Variants in GSN observed in about 807,000 individuals in gnomAD.
GSN encodes the protein actin-depolymerizing factor.
GSN carries 56 observed loss-of-function variants against 85.7 expected under a neutral mutation model. The observed-to-expected ratio is 0.65, with a 90% CI of 0.53 to 0.82. The LOEUF (loss-of-function observed/expected upper bound fraction) is 0.82, where lower values mean the gene tolerates loss of function less well. Among genes scored for constraint, GSN ranks in the 40% least tolerant of loss-of-function variants. GSN has a pLI of 0.00. For synonymous variants in GSN, 373 were observed against 399.1 expected (o/e 0.93, Z 0.78); for missense variants, 857 against 979.8 (o/e 0.87, Z 1.67).
chr9:121,329,418 C>G lies in GSN; in HGVS notation c.1965+103C>G. Reference sequence around the variant, plus strand: ...CTAGAAGGACCTAAAGGGGGCAGTGCCAGGTGTTGCCAGAAAAGTCTCTAA... The same window carrying G: ...CTAGAAGGACCTAAAGGGGGCAGTGGCAGGTGTTGCCAGAAAAGTCTCTAA... On this transcript the variant is annotated intron_variant, in intron 16 of 17. Transcript: ENST00000432226. This position sits in a 1 kb window ranked among gnomAD's most constrained non-coding sequence, Gnocchi z 4.6. 1.3e-6 allele frequency: 1 copy of G among 768,814 alleles called. No individual in the cohort carries two copies. The highest frequency in any genetic ancestry group is 1.4e-5 in the South Asian group (1 of 71,278). 47.6% of individuals were successfully genotyped at this position (768,814 alleles called of 1,614,324 possible).
At chr9:121,310,417 A>G in intron 4 of GSN, 2 of 495,092 alleles carry the variant, frequency 4.0e-6, no homozygotes, top group South Asian at 4.1e-5. Flanking sequence ...TGGCAGAAAG[A>G]TGCAGTGGGC....
chr9:121,260,476 G>A (rs917481502), intron 6 of GSN, among the ~76,000 whole-genome samples: 3 of 152,234 alleles, frequency 2.0e-5, no homozygotes, highest in Admixed American at 6.5e-5. Flanking sequence ...TGACCTAAGA[G>A]CTAACGTTTT....
rs1175548472 is a variant in GSN, at chr9:121,312,394, C to G, written c.569C>G (p.Thr190Arg). Residue 190 changes from threonine (T) to arginine (R), a missense_variant, in exon 6 of 18, where the codon ACA becomes AGA. By Grantham distance (71) the Thr-to-Arg change is moderately conservative. Transcript: ENST00000432226. ...NSNRYERLKA[T>R]QVSKGIRDNE... ...AATCGGTATGAAAGACTGAAGGCCACACAGGTGTCCAAGGGCATCCGGGAC... is the reference window on the plus strand; with the variant it reads ...AATCGGTATGAAAGACTGAAGGCCAGACAGGTGTCCAAGGGCATCCGGGAC... 1 of 1,614,062 alleles carries G rather than the reference C, an allele frequency of 6.2e-7. No homozygotes were observed.
intron 4 of GSN, among the ~76,000 whole-genome samples, chr9:121,304,034 A>G (rs1364794633): frequency 6.6e-6 from 1 of 152,206 alleles, no homozygotes; most frequent in African/African-American, 2.4e-5. Context: ...CACTAAACCA[A>G]CATACCTCTA....
At chr9:121,260,263 C>T (rs1289348015) in intron 6 of GSN, among the ~76,000 whole-genome samples, 1 of 152,226 alleles carries the variant, frequency 6.6e-6, no homozygotes, top group Non-Finnish European at 1.5e-5. Flanking sequence ...CTGGGACTGC[C>T]TCAGCCTCAG....
At chr9:121,327,913 G>T (rs1188984442) in intron 14 of GSN, among the ~76,000 whole-genome samples, 2 of 149,972 alleles carry the variant, frequency 1.3e-5, no homozygotes, top group Non-Finnish European at 2.9e-5. Flanking sequence ...GTTGGAGGTT[G>T]CGGTGAGCTG....
the GSN span, among the ~76,000 whole-genome samples, chr9:121,202,436 T>G: frequency 6.6e-6 from 1 of 152,226 alleles, no homozygotes; most frequent in Admixed American, 6.5e-5. Context: ...GTCAACTCTC[T>G]TGTCCAAGAT....
intron 2 of GSN, chr9:121,300,249 C>T: frequency 2.8e-6 from 2 of 703,286 alleles, no homozygotes; most frequent in Non-Finnish European, 5.2e-6. Flanking sequence ...CCCCTGTCCT[C>T]CTCTAACATC....
At chr9:121,322,060 CAG>C (rs2062538766) in intron 11 of GSN, among the ~76,000 whole-genome samples, 1 of 152,120 alleles carries the variant, frequency 6.6e-6, no homozygotes, top group Non-Finnish European at 1.5e-5. Context: ...TATTTTAAAA[CAG>C]AGAATACATT....
rs540218879 is a variant in GSN, at chr9:121,274,488, C to T, written c.-103+6269C>T. On this transcript the variant is annotated intron_variant, in intron 1 of 17. Coordinates refer to ENST00000432226, the MANE Select transcript of GSN (RefSeq NM_198252.3). ...ATGGAGTTCCTGAGTCAAAATGACA[C>T]ATTTTATAGCTTTTTCTTGTTAAAA... is the stretch of plus-strand genomic sequence containing the variant. 3.6e-4 allele frequency among the ~76,000 whole-genome samples: 55 copies of T among 151,852 alleles called. 1 individual carries two copies. The highest frequency in any genetic ancestry group is 1.0e-3 in the African/African-American group (43 of 41,210).
intron 6 of GSN, among the ~76,000 whole-genome samples, chr9:121,254,412 C>A (rs925005642): frequency 2.0e-5 from 3 of 152,170 alleles, no homozygotes; most frequent in South Asian, 2.1e-4. Flanking sequence ...AATGTAAGTT[C>A]TTTCTCTTCC....
intron 11 of GSN, 122 bp downstream of exon 11, chr9:121,321,523 T>C (rs2062450120): frequency 3.4e-6 from 3 of 881,038 alleles, no homozygotes; most frequent in Admixed American, 4.6e-5. Context: ...TGGGAGAGGC[T>C]TTTGTCCACA....
intron 5 of GSN, among the ~76,000 whole-genome samples, chr9:121,240,603 G>A (rs2054584616): frequency 6.6e-6 from 1 of 152,192 alleles, no homozygotes; most frequent in Non-Finnish European, 1.5e-5. Context: ...TCTTGGAAGA[G>A]TCAGTTGGGT....
intron 6 of GSN, among the ~76,000 whole-genome samples, chr9:121,255,748 G>A (rs2054942903): frequency 2.0e-5 from 3 of 151,870 alleles, no homozygotes; most frequent in African/African-American, 4.8e-5. Flanking sequence ...GAACCTTTAG[G>A]TGATTTCCAT....
At chr9:121,282,322 A>G in intron 2 of GSN, 1 of 570,560 alleles carries the variant, frequency 1.8e-6, no homozygotes, top group East Asian at 3.0e-5. Flanking sequence ...AAGGATCACT[A>G]CTAGGGGGAA....
chr9:121,222,188 T>C (rs1198001015), intron 4 of GSN: 1 of 152,206 alleles, frequency 6.6e-6, no homozygotes, highest in Non-Finnish European at 1.5e-5. Context: ...AACTGAAATG[T>C]TTTCCACCTA....
chr9:121,202,526 T>C, the GSN span, among the ~76,000 whole-genome samples: 1 of 152,106 alleles, frequency 6.6e-6, no homozygotes, highest in Admixed American at 6.5e-5. Flanking sequence ...GTGAGAGAAA[T>C]GTGATATTTT....
Position 121,299,864 on chromosome 9 carries a change from GGCTCCGCACC to G in GSN, c.-9-2096_-9-2087del. 7.4e-7 allele frequency: 1 copy of G among 1,342,898 alleles called. No individual in the cohort carries two copies. The allele number at this position is 1,342,898 out of a possible 1,614,324, so 83.2% of individuals were successfully genotyped here. On this transcript the variant is annotated intron_variant, in intron 2 of 17. Transcript: ENST00000432226. This position sits in a 1 kb window ranked among gnomAD's most constrained non-coding sequence, Gnocchi z 4.2. The stretch of plus-strand genomic sequence containing the variant: ...GGTCCCCTGCCGCTGTCGCCACCAT[GGCTCCGCACC>G]GCCCCGCGCCCGCGCTGCTTTGCGC...
At chr9:121,305,213 A>G (rs1415075563) in intron 4 of GSN, among the ~76,000 whole-genome samples, 1 of 152,188 alleles carries the variant, frequency 6.6e-6, no homozygotes, top group Non-Finnish European at 1.5e-5. Flanking sequence ...AGCCTTGACT[A>G]CAAGATCTCA....
Sources: gnomAD v4.1 joint callset for allele counts (sites outside exome capture counted in the v4.1 genomes callset) on GRCh38, gnomAD v4.1.1 for gene constraint, Gnocchi (gnomAD v3.1) non-coding constraint, MANE v1.5 for transcripts, NCBI Gene and HGNC (gene_info 2026-07-23, HGNC 2026-07-21) for gene names.